Variants in MYO18B observed in about 807,000 individuals in gnomAD.
MYO18B encodes unconventional myosin-XVIIIb.
MYO18B carries 204 observed loss-of-function variants against 273.0 expected under a neutral mutation model. The observed-to-expected ratio is 0.75, with a 90% CI of 0.67 to 0.84. The LOEUF (loss-of-function observed/expected upper bound fraction) is 0.84, where lower values mean the gene tolerates loss of function less well. Ranked by LOEUF, MYO18B falls within the 40% of genes least tolerant of loss-of-function variation. The pLI is 0.00. For missense variants in MYO18B, 3,212 were observed against 3,287.6 expected, an observed-to-expected ratio of 0.98 and a Z score of 0.56; for synonymous variants, 1,330 against 1,305.7, an observed-to-expected ratio of 1.02 and a Z score of -0.40.
chr22:25,867,257 T>G (rs994696483), intron 21 of MYO18B, among the ~76,000 whole-genome samples: 12 of 152,330 alleles, frequency 7.9e-5, no homozygotes, highest in Admixed American at 7.8e-4. Context: ...AACTGAAACG[T>G]TATACCCGTT....
chr22:26,041,170 G>A, the MYO18B span, among the ~76,000 whole-genome samples: 3 of 150,442 alleles, frequency 2.0e-5, no homozygotes, highest in African/African-American at 7.4e-5. Flanking sequence ...TTCCTCATAA[G>A]CTATCATTAG....
chr22:25,930,308 T>C (rs2092480338), intron 34 of MYO18B, among the ~76,000 whole-genome samples: 1 of 152,044 alleles, frequency 6.6e-6, no homozygotes, highest in Non-Finnish European at 1.5e-5. Flanking sequence ...TCGTTTTTTT[T>C]CTAAACCCTT....
At chr22:25,915,621 TAAAA>T (rs891673622) in intron 33 of MYO18B, among the ~76,000 whole-genome samples, 33 of 152,304 alleles carry the variant, frequency 2.2e-4, no homozygotes, top group East Asian at 9.6e-4. Flanking sequence ...TCTAATATCT[TAAAA>T]AAAGATGTTT....
At position 25,890,433 on chromosome 22, in the gene MYO18B, G is replaced by A. The variant is rs577851724; in HGVS notation, c.4315-323G>A. Among the ~76,000 whole-genome samples, 5 of 152,328 alleles carry A rather than the reference G, an allele frequency of 3.3e-5. No homozygotes were observed. In the South Asian group the frequency reaches 1.0e-3, roughly 32 times the overall value. On this transcript the variant is annotated intron_variant, in intron 25 of 43. Transcript: ENST00000335473. Reference sequence around the variant, plus strand: ...TTTTAAAACTGAGCACTTACTACGTGCCAGGCACCGTGCTAAGCTTTCAAT... The same window carrying A: ...TTTTAAAACTGAGCACTTACTACGTACCAGGCACCGTGCTAAGCTTTCAAT...
At position 25,927,782 on chromosome 22, in the gene MYO18B, C is replaced by A. The variant is rs149291947; in HGVS notation, c.5517+6373C>A. On this transcript the variant is annotated intron_variant, in intron 34 of 43. Coordinates refer to ENST00000335473, the MANE Select transcript of MYO18B (RefSeq NM_032608.7). ...CCCGGACACCCAGCTTTTAAAATTT[C>A]TCTCTTTTGTACTCTGTCCCTTTAT... is the stretch of plus-strand genomic sequence containing the variant. Among the ~76,000 whole-genome samples, 322 of 152,284 alleles carry A rather than the reference C, an allele frequency of 2.1e-3. 1 individual carries two copies. Among genetic ancestry groups the A allele is most frequent in the African/African-American group, 7.5e-3 (312 of 41,552 alleles).
intron 40 of MYO18B, among the ~76,000 whole-genome samples, chr22:25,997,975 ACAC>A (rs1295556609): frequency 8.8e-6 from 1 of 113,826 alleles, no homozygotes; most frequent in African/African-American, 3.6e-5. Context: ...ACACACACAC[ACAC>A]GAGAGAGAGA....
chr22:25,781,695 C>G (rs1290636429), intron 9 of MYO18B, 39 bp from the exon 10 acceptor site: 2 of 1,425,868 alleles, frequency 1.4e-6, no homozygotes, highest in South Asian at 1.5e-5. Flanking sequence ...GCAGATGTAC[C>G]CAAAGCACTG....
At chr22:25,958,901 C>T (rs757776201) in intron 39 of MYO18B, among the ~76,000 whole-genome samples, 6 of 152,228 alleles carry the variant, frequency 3.9e-5, no homozygotes, top group Non-Finnish European at 5.9e-5. Flanking sequence ...TCCTGCAAGG[C>T]AGCCAGAGCT....
intron 12 of MYO18B, among the ~76,000 whole-genome samples, chr22:25,810,269 T>G (rs1316694071): frequency 1.3e-5 from 2 of 151,168 alleles, no homozygotes; most frequent in Admixed American, 1.3e-4. Context: ...AGATGTTTTT[T>G]TTGTATTTTT....
At chr22:25,936,802 G>C (rs2301505) in intron 34 of MYO18B, among the ~76,000 whole-genome samples, 15,834 of 152,066 alleles carry the variant, frequency 0.1, 925 homozygotes, top group Middle Eastern at 0.18. Context: ...TCCTCACATG[G>C]TAGAGAGGAA....
In MYO18B at chr22:25,947,751, G is replaced by A. The variant is rs1216799063; in HGVS notation, c.5671G>A (p.Asp1891Asn). 1 of 1,613,668 alleles carries A rather than the reference G, an allele frequency of 6.2e-7. No individual in the cohort carries two copies. The highest frequency in any genetic ancestry group is 1.3e-5 in the African/African-American group (1 of 74,916). The change falls in exon 36 of 44, where the codon GAC (aspartate) becomes AAC (asparagine). Residue 1891 changes from aspartate to asparagine, a missense_variant. Transcript: ENST00000335473. ...GTACAGGCTGCAGTTTGAGAAGGCG[G>A]ACCTCCTGAAGCGCATCGATGAGGA... ...QLYRLQFEKA[D>N]LLKRIDEDQD...
chr22:26,012,690 G>C (rs184672071), intron 42 of MYO18B, among the ~76,000 whole-genome samples: 77 of 152,274 alleles, frequency 5.1e-4, no homozygotes, highest in Middle Eastern at 6.8e-3. Flanking sequence ...TGGATGGTAG[G>C]TCTATGGACC....
At chr22:25,780,327 A>C (rs2087088543) in intron 9 of MYO18B, 129 bp downstream of exon 9, 1 of 1,184,714 alleles carries the variant, frequency 8.4e-7, no homozygotes, top group Non-Finnish European at 1.2e-6. Flanking sequence ...GCGGTGGCTC[A>C]GGCCTGTAAT....
rs774595952 is a variant in MYO18B, at chr22:25,992,440, C to T, written c.6234C>T (p.Ala2078=). 23 of 1,613,868 alleles carry T rather than the reference C, an allele frequency of 1.4e-5. No homozygotes were observed. Among genetic ancestry groups the T allele is most frequent in the Non-Finnish European group, 1.4e-5 (17 of 1,179,896 alleles). Residue 2078 remains alanine, a synonymous_variant, in exon 40 of 44, where the codon GCC becomes GCT. Transcript: ENST00000335473. The part of the protein sequence containing the change: ...TDLETSIRRI[A]DLQAALEEVA... The stretch of plus-strand genomic sequence containing the variant: ...TGGAGACATCCATTCGGCGGATTGC[C>T]GACCTGCAGGCTGCCTTGGAAGAAG...
chr22:26,048,944 C>T, the MYO18B span, among the ~76,000 whole-genome samples: 17 of 152,254 alleles, frequency 1.1e-4, no homozygotes, highest in East Asian at 9.6e-4. Flanking sequence ...TCCACAACCT[C>T]GCCAACACTA....
chr22:25,801,919 G>C (rs1046980856), intron 12 of MYO18B, among the ~76,000 whole-genome samples: 1 of 152,170 alleles, frequency 6.6e-6, no homozygotes, highest in Non-Finnish European at 1.5e-5. Context: ...CCTGAGACCA[G>C]CCTCTGGGAC....
At chr22:25,766,734 G>A (rs2086520691) in intron 3 of MYO18B, among the ~76,000 whole-genome samples, 1 of 152,202 alleles carries the variant, frequency 6.6e-6, no homozygotes, top group African/African-American at 2.4e-5. Flanking sequence ...ATGGGAACAA[G>A]TAGGGACAAT....
rs538443123 is a variant in MYO18B at position 25,868,459 on chromosome 22, C to G, written c.3951+74C>G. On this transcript the variant is annotated intron_variant, in intron 22 of 43. Coordinates refer to ENST00000335473, the MANE Select transcript of MYO18B (RefSeq NM_032608.7). ...CAGAGATGACCTGATTCTTGTCCTA[C>G]CTCAATTGTCTATTATCTCTGTACG... 9.5e-5 allele frequency: 118 copies of G among 1,248,642 alleles called. 1 individual carries two copies. The South Asian group carries it at 1.5e-3, about 16-fold the overall frequency. The allele number at this position is 1,248,642 out of a possible 1,614,324, so 77.3% of individuals were successfully genotyped here. A position where few individuals can be genotyped will look rare whatever the true frequency, so the allele number is the denominator to read the frequency against.
chr22:25,771,080 T>C (rs917261925), intron 6 of MYO18B, 96 bp downstream of exon 6: 11 of 904,900 alleles, frequency 1.2e-5, no homozygotes, highest in Non-Finnish European at 1.7e-5. Context: ...AGAGATTTCC[T>C]TGTTCCTGAC....
Sources: gnomAD v4.1 joint callset for allele counts (sites outside exome capture counted in the v4.1 genomes callset) on GRCh38, gnomAD v4.1.1 for gene constraint, MANE v1.5 for transcripts, NCBI Gene and HGNC (gene_info 2026-07-23, HGNC 2026-07-21) for gene names.